MTHFSD: variants seen among roughly 807,000 people sequenced by gnomAD.
MTHFSD encodes the protein methenyltetrahydrofolate synthetase domain containing.
Under a neutral mutation model 31.1 loss-of-function variants are expected in MTHFSD, and 37 were observed. The ratio of observed to expected loss-of-function variants is 1.19; its 90% CI spans 0.91 to 1.56. The LOEUF (loss-of-function observed/expected upper bound fraction) is 1.56, where lower values mean the gene tolerates loss of function less well. MTHFSD is among the 40% of genes most tolerant of loss of function. The probability of loss-of-function intolerance (pLI) is 0.00; values close to 1 mark genes in which losing one functional copy is unlikely to be tolerated. For synonymous variants in MTHFSD, 221 were observed against 206.9 expected (o/e 1.07, Z -0.59); for missense variants, 664 against 510.1 (o/e 1.30, Z -2.91).
At chr16:86,548,060 T>A in intron 4 of MTHFSD, 1 of 1,290,378 alleles carries the variant, frequency 7.7e-7, no homozygotes, top group Non-Finnish European at 1.0e-6. Flanking sequence ...CAATTTCCAA[T>A]GGAGCATGTT....
chr16:86,545,676 C>T (rs896333612), intron 5 of MTHFSD, among the ~76,000 whole-genome samples: 1 of 152,176 alleles, frequency 6.6e-6, no homozygotes, highest in Non-Finnish European at 1.5e-5. Flanking sequence ...TCCCCTTCCC[C>T]CTCCCGTCGG....
intron 5 of MTHFSD, among the ~76,000 whole-genome samples, chr16:86,543,770 G>A (rs1361760337): frequency 3.3e-5 from 5 of 152,234 alleles, no homozygotes; most frequent in African/African-American, 7.2e-5. Flanking sequence ...TCCATGGCCT[G>A]TGAGGAACCG....
At chr16:86,551,352 T>C (rs1026568447) in intron 3 of MTHFSD, among the ~76,000 whole-genome samples, 1 of 152,196 alleles carries the variant, frequency 6.6e-6, no homozygotes, top group African/African-American at 2.4e-5. Context: ...ATCAGACTTC[T>C]TACTCGTGAT....
intron 3 of MTHFSD, 65 bp downstream of exon 3, chr16:86,551,968 G>A: frequency 6.2e-7 from 1 of 1,603,794 alleles, no homozygotes; most frequent in Non-Finnish European, 8.5e-7. Flanking sequence ...GCACTGACCA[G>A]CTACCTGGAA....
At chr16:86,544,986 C>T (rs930602647) in intron 5 of MTHFSD, among the ~76,000 whole-genome samples, 2 of 152,150 alleles carry the variant, frequency 1.3e-5, no homozygotes, top group East Asian at 1.9e-4. Context: ...TGTTCTCACT[C>T]GTAAGTGGGA....
intron 7 of MTHFSD, among the ~76,000 whole-genome samples, chr16:86,538,809 G>A (rs1053755083): frequency 2.0e-5 from 3 of 152,198 alleles, no homozygotes; most frequent in African/African-American, 7.2e-5. Context: ...GGGGTTCAGG[G>A]AGTCCTGGGT....
rs543931920 is a variant in MTHFSD at position 86,532,391 on chromosome 16, C to T, written c.772G>A (p.Glu258Lys). 1.4e-4 allele frequency: 217 copies of T among 1,557,930 alleles called. 1 individual carries two copies. In the East Asian group the frequency reaches 4.5e-3, roughly 32 times the overall value. The change falls in exon 8 of 8, where the codon GAG becomes AAG. Residue 258 changes from glutamate to lysine, a missense_variant. Transcript: ENST00000360900. Reference sequence around the variant, plus strand: ...CCTGGTTCCGGAAGGTGCTGGTGCTCACCCTGGAGGGTGACATCCTTCCCA... The same window carrying T: ...CCTGGTTCCGGAAGGTGCTGGTGCTTACCCTGGAGGGTGACATCCTTCCCA... ...QAGKDVTLQG[E>K]HQHLPEPGCQ...
At chr16:86,537,637 G>A (rs1041476594) in intron 7 of MTHFSD, among the ~76,000 whole-genome samples, 1 of 152,212 alleles carries the variant, frequency 6.6e-6, no homozygotes, top group African/African-American at 2.4e-5. Flanking sequence ...GAACAATTGT[G>A]TTTTATGCGG....
rs781526627 is a variant in MTHFSD, at chr16:86,532,271, G to C, written c.892C>G (p.Pro298Ala). ...NSMEAAPGSP[P>A]GEGAPLAADV... ...GCTGCAAGCGGGGCACCCTCCCCTG[G>C]TGGGGAGCCAGGGGCTGCCTCCATG... The change falls in exon 8 of 8, where the codon CCA (proline) becomes GCA (alanine). Residue 298 changes from proline to alanine, a missense_variant. Physicochemically the swap from Pro to Ala is conservative, Grantham distance 27 (BLOSUM62 -1). Coordinates refer to ENST00000360900, the MANE Select transcript of MTHFSD (RefSeq NM_001159377.2). 8.3e-6 allele frequency: 13 copies of C among 1,567,892 alleles called. No homozygotes were observed. In the East Asian group the frequency reaches 2.3e-4, roughly 28 times the overall value.
chr16:86,535,637 C>T, intron 7 of MTHFSD: 1 of 403,574 alleles, frequency 2.5e-6, no homozygotes, highest in Non-Finnish European at 3.4e-6. Context: ...AAAAACCTGT[C>T]CCCTAGACAT....
chr16:86,542,321 G>A lies in MTHFSD; in HGVS notation c.443-108C>T, dbSNP rs2143612874. ...AAGAAACTTGAACCCAATATCCCGA[G>A]CTAATCTATAGAAATTTTCACAGAA... On this transcript the variant is annotated intron_variant, in intron 5 of 7. Transcript: ENST00000360900. The surrounding 1 kb of genome is among the most constrained non-coding windows in gnomAD (Gnocchi z 4.6). The A allele has an allele frequency of 2.2e-6, 2 of 911,156 alleles. No individual in the cohort carries two copies. Among genetic ancestry groups the A allele is most frequent in the Non-Finnish European group, 3.3e-6 (2 of 611,580 alleles). The allele number at this position is 911,156 out of a possible 1,614,324, so 56.4% of individuals were successfully genotyped here.
chr16:86,553,491 T>C (rs1458067714), intron 2 of MTHFSD: 2 of 152,470 alleles, frequency 1.3e-5, no homozygotes, highest in African/African-American at 2.4e-5. Context: ...GAGTTCCATG[T>C]AGGCGTGGGG....
intron 7 of MTHFSD, among the ~76,000 whole-genome samples, chr16:86,540,404 T>C (rs916436634): frequency 1.1e-4 from 17 of 152,210 alleles, no homozygotes; most frequent in African/African-American, 4.1e-4. Flanking sequence ...ACCTAACGTG[T>C]CCGATGACTT....
chr16:86,555,232 T>A lies in MTHFSD; in HGVS notation c.-48A>T, dbSNP rs954942064. ...GCTTCCCGGCGCAGGTTCTGGCGCG[T>A]AGTGACGTCACCCGCTCCGCGCCTG... is the stretch of plus-strand genomic sequence containing the variant. On this transcript the variant is annotated 5_prime_UTR_variant, in exon 1 of 8. Coordinates refer to ENST00000360900, the MANE Select transcript of MTHFSD (RefSeq NM_001159377.2). 3 of 1,534,774 alleles carry A rather than the reference T, an allele frequency of 2.0e-6. No individual in the cohort carries two copies. Among genetic ancestry groups the A allele is most frequent in the African/African-American group, 2.7e-5 (2 of 73,104 alleles).
rs57607537 is a variant in MTHFSD at position 86,552,169 on chromosome 16, T to C, written c.124-23A>G. 1.1e-3 allele frequency: 1,788 copies of C among 1,614,110 alleles called. 17 individuals carry two copies. In the African/African-American group the frequency reaches 0.021, roughly 19 times the overall value. The stretch of plus-strand genomic sequence containing the variant: ...CCCCTAGTTAGGCAAATAGACAGAG[T>C]TGCACTTACTTCAAGGACGAAGAAG... On this transcript the variant is annotated intron_variant, in intron 2 of 7. Transcript: ENST00000360900.
chr16:86,542,779 G>C lies in MTHFSD; in HGVS notation c.443-566C>G, dbSNP rs1247774183. 6.6e-6 allele frequency among the ~76,000 whole-genome samples: 1 copy of C among 152,218 alleles called. No homozygotes were observed. The highest frequency in any genetic ancestry group is 1.5e-5 in the Non-Finnish European group (1 of 68,048). ...TAGTGGCACAACAAAAGGATTATCTGAGCCTAAAAGAGTAGCTAAGATGAA... is the reference window on the plus strand; with the variant it reads ...TAGTGGCACAACAAAAGGATTATCTCAGCCTAAAAGAGTAGCTAAGATGAA... On this transcript the variant is annotated intron_variant, in intron 5 of 7. Coordinates refer to ENST00000360900, the MANE Select transcript of MTHFSD (RefSeq NM_001159377.2). This position sits in a 1 kb window ranked among gnomAD's most constrained non-coding sequence, Gnocchi z 4.6.
chr16:86,543,539 T>A (rs1038296060), intron 5 of MTHFSD, among the ~76,000 whole-genome samples: 1 of 152,026 alleles, frequency 6.6e-6, no homozygotes, highest in Non-Finnish European at 1.5e-5. Context: ...GTTACTGAGG[T>A]GCAGTCACGT....
At position 86,530,988 on chromosome 16, in the gene MTHFSD, G is replaced by A. The variant is rs1432818185; in HGVS notation, c.*1023C>T. 6.6e-6 allele frequency: 1 copy of A among 152,232 alleles called. No individual in the cohort carries two copies. Among genetic ancestry groups the A allele is most frequent in the African/African-American group, 2.4e-5 (1 of 41,450 alleles). The allele number at this position is 152,232 out of a possible 1,614,324, so 9.4% of individuals were successfully genotyped here. A position where few individuals can be genotyped will look rare whatever the true frequency, so the allele number is the denominator to read the frequency against. On this transcript the variant is annotated 3_prime_UTR_variant, in exon 8 of 8. Coordinates refer to ENST00000360900, the MANE Select transcript of MTHFSD (RefSeq NM_001159377.2). ...TGAGAAAATGTCCTTTCAAAGAGAA[G>A]ACCGAGTGTCCCGAGAACATTTTCT... is the stretch of plus-strand genomic sequence containing the variant.
At chr16:86,533,705 C>T (rs1419109767) in intron 7 of MTHFSD, 1 of 152,188 alleles carries the variant, frequency 6.6e-6, no homozygotes, top group African/African-American at 2.4e-5. Flanking sequence ...GAATGACTCA[C>T]CCACAATTTT....
Sources: allele counts gnomAD v4.1 joint callset (sites outside exome capture counted in the v4.1 genomes callset), GRCh38; gene constraint gnomAD v4.1.1; non-coding constraint Gnocchi (gnomAD v3.1); transcripts MANE v1.5; gene names NCBI Gene and HGNC (gene_info 2026-07-23, HGNC 2026-07-21).